The following SLC39A14 variants were observed in gnomAD, a reference collection of about 807,000 sequenced individuals.
SLC39A14 encodes solute carrier family 39 member 14, also known as metal cation symporter ZIP14.
SLC39A14 carries 19 observed loss-of-function variants against 45.5 expected under a neutral mutation model. The observed-to-expected ratio is 0.42, with a 90% CI of 0.29 to 0.61. The LOEUF (loss-of-function observed/expected upper bound fraction) is 0.61, where lower values mean the gene tolerates loss of function less well. SLC39A14 is among the 20% of genes least tolerant of loss of function. The probability of loss-of-function intolerance (pLI) is 0.22; values close to 1 mark genes in which losing one functional copy is unlikely to be tolerated. For synonymous variants in SLC39A14, 264 were observed against 251.3 expected, an observed-to-expected ratio of 1.05 and a Z score of -0.48; for missense variants, 447 against 616.5, an observed-to-expected ratio of 0.73 and a Z score of 2.91.
rs1005237657 is a variant in SLC39A14, at chr8:22,367,791, G to A, written c.-16+383G>A. The A allele has an allele frequency of 5.2e-5, 8 of 153,036 alleles. No homozygotes were observed. The highest frequency in any genetic ancestry group is 1.9e-4 in the African/African-American group (8 of 41,470). 9.5% of individuals were successfully genotyped at this position (153,036 alleles called of 1,614,324 possible). A position where few individuals can be genotyped will look rare whatever the true frequency, so the allele number is the denominator to read the frequency against. On this transcript the variant is annotated intron_variant, in intron 1 of 8. Transcript: ENST00000381237. This position sits in a 1 kb window ranked among gnomAD's most constrained non-coding sequence, Gnocchi z 4.2. ...TGGGGCGGCTCTATGGGGCTCTGGG[G>A]TCTGGACTTTGCTTTTCAGGAGCTG...
intron 1 of SLC39A14, among the ~76,000 whole-genome samples, chr8:22,384,267 G>A (rs1272296262): frequency 6.6e-6 from 1 of 152,174 alleles, no homozygotes; most frequent in African/African-American, 2.4e-5. Context: ...GAAACAGCCT[G>A]TACTTGTGGA....
intron 1 of SLC39A14, among the ~76,000 whole-genome samples, chr8:22,381,318 A>G (rs1328690170): frequency 6.9e-6 from 1 of 144,980 alleles, no homozygotes; most frequent in Non-Finnish European, 1.5e-5. Context: ...TCCGTCACCC[A>G]GACTGGAGTG....
intron 8 of SLC39A14, among the ~76,000 whole-genome samples, chr8:22,432,052 C>G (rs1193162491): frequency 6.6e-6 from 1 of 152,188 alleles, no homozygotes; most frequent in Non-Finnish European, 1.5e-5. Flanking sequence ...AAAAGAGCAG[C>G]CGGCACGGTG....
At chr8:22,368,336 C>A (rs1832746117) in intron 1 of SLC39A14, among the ~76,000 whole-genome samples, 1 of 152,058 alleles carries the variant, frequency 6.6e-6, no homozygotes, top group Non-Finnish European at 1.5e-5. Flanking sequence ...GACGGCTGTG[C>A]TCCTGCTGAG....
chr8:22,428,954 C>A (rs1451774913), intron 8 of SLC39A14, among the ~76,000 whole-genome samples: 3 of 152,118 alleles, frequency 2.0e-5, no homozygotes, highest in Non-Finnish European at 4.4e-5. Context: ...CCCCAGAGTT[C>A]TGCATTGTGT....
chr8:22,394,546 C>T lies in SLC39A14; in HGVS notation c.-15-10150C>T, dbSNP rs1015053037. Among the ~76,000 whole-genome samples, 3 of 151,836 alleles carry T rather than the reference C, an allele frequency of 2.0e-5. No homozygotes were observed. In the East Asian group the frequency reaches 5.8e-4, roughly 29 times the overall value. ...GTGTTAGCCAGGATGGTCTTGATCT[C>T]CTGACCTTGTGATCCGCCCGCCTCG... On this transcript the variant is annotated intron_variant, in intron 1 of 8. Transcript: ENST00000381237.
chr8:22,393,836 C>G (rs527724346), intron 1 of SLC39A14, among the ~76,000 whole-genome samples: 65 of 152,190 alleles, frequency 4.3e-4, no homozygotes, highest in African/African-American at 1.5e-3. Context: ...CCACACCTGA[C>G]TAACTTTTGC....
chr8:22,382,709 G>T (rs930875472), intron 1 of SLC39A14, among the ~76,000 whole-genome samples: 2 of 151,984 alleles, frequency 1.3e-5, no homozygotes, highest in African/African-American at 4.8e-5. Context: ...TTACAACCTT[G>T]AGGGTTTTGT....
At chr8:22,410,204 C>T (rs1563582761) in intron 3 of SLC39A14, 5 of 1,334,418 alleles carry the variant, frequency 3.7e-6, no homozygotes, top group Non-Finnish European at 4.3e-6. Context: ...GGCTCCAAGG[C>T]ACCCAATGAC....
rs3817445 is a variant in SLC39A14 at position 22,408,541 on chromosome 8, G to T, written c.457+45G>T. ...CAGGAGCCCATCTCCCATCTCGCCC[G>T]CGTCTCACAAGGACCCCTGGGCTGA... On this transcript the variant is annotated intron_variant, in intron 3 of 8. Coordinates refer to ENST00000381237, the MANE Select transcript of SLC39A14 (RefSeq NM_001128431.4). 0.35 allele frequency: 548,230 copies of T among 1,559,452 alleles called. 103,116 individuals carry two copies. The highest frequency in any genetic ancestry group is 0.63 in the African/African-American group (46,878 of 74,022).
chr8:22,406,418 G>A (rs1835213859), intron 2 of SLC39A14, among the ~76,000 whole-genome samples: 1 of 152,164 alleles, frequency 6.6e-6, no homozygotes, highest in Admixed American at 6.5e-5. Context: ...GCGGGGCCGG[G>A]CGCGGTGGCT....
chr8:22,371,001 G>A (rs1832895814), intron 1 of SLC39A14, among the ~76,000 whole-genome samples: 1 of 152,172 alleles, frequency 6.6e-6, no homozygotes, highest in Non-Finnish European at 1.5e-5. Flanking sequence ...GGGTCACGAA[G>A]CCCCACTATC....
At chr8:22,369,180 T>TC (rs1290605342) in intron 1 of SLC39A14, among the ~76,000 whole-genome samples, 2 of 151,732 alleles carry the variant, frequency 1.3e-5, no homozygotes, top group Middle Eastern at 3.2e-3. Flanking sequence ...TGGAAGGGGG[T>TC]CCTCTGGATA....
intron 7 of SLC39A14, among the ~76,000 whole-genome samples, chr8:22,416,661 T>C (rs867114245): frequency 3.0e-4 from 45 of 151,738 alleles, no homozygotes; most frequent in Middle Eastern, 3.4e-3. Flanking sequence ...GGTCTTGAAC[T>C]CCTTACCTCG....
chr8:22,412,261 A>G, intron 4 of SLC39A14, 55 bp downstream of exon 4: 1 of 1,528,210 alleles, frequency 6.5e-7, no homozygotes, highest in Non-Finnish European at 8.8e-7. Flanking sequence ...CAGTGGGAGG[A>G]CCTCCGTTTG....
Position 22,421,466 on chromosome 8 carries a change from C to G in SLC39A14, c.*1768C>G. 2 of 984,298 alleles carry G rather than the reference C, an allele frequency of 2.0e-6. No homozygotes were observed. The highest frequency in any genetic ancestry group is 2.4e-6 in the Non-Finnish European group (2 of 829,526). 61.0% of individuals were successfully genotyped at this position (984,298 alleles called of 1,614,324 possible). ...AGGGAAAATTTCAGTGATGGAGATT[C>G]TAGATTAAATATCAGGACTGATTTC... On this transcript the variant is annotated 3_prime_UTR_variant, in exon 9 of 9. Coordinates refer to ENST00000381237, the MANE Select transcript of SLC39A14 (RefSeq NM_001128431.4).
chr8:22,404,259 A>C (rs1361764796), intron 1 of SLC39A14, among the ~76,000 whole-genome samples: 22 of 151,952 alleles, frequency 1.4e-4, no homozygotes. Context: ...CCCGATCTCT[A>C]CTAAATATAG....
intron 1 of SLC39A14, among the ~76,000 whole-genome samples, chr8:22,369,264 G>A (rs1221375650): frequency 1.3e-5 from 2 of 152,200 alleles, no homozygotes; most frequent in Non-Finnish European, 2.9e-5. Flanking sequence ...TCTGGCCTCT[G>A]GGGCCTTGAG....
At chr8:22,398,866 G>T in intron 1 of SLC39A14, 1 of 483,094 alleles carries the variant, frequency 2.1e-6, no homozygotes, top group Non-Finnish European at 2.7e-6. Context: ...GAGGGTTCCA[G>T]AACAGGTGTC....
Sources: gnomAD v4.1 joint callset for allele counts (sites outside exome capture counted in the v4.1 genomes callset) on GRCh38, gnomAD v4.1.1 for gene constraint, Gnocchi (gnomAD v3.1) non-coding constraint, MANE v1.5 for transcripts, NCBI Gene and HGNC (gene_info 2026-07-23, HGNC 2026-07-21) for gene names.